Variants in METTL22 observed in about 807,000 individuals in gnomAD.
The protein encoded by METTL22 is methyltransferase-like protein 22.
A neutral mutation model predicts 48.4 loss-of-function variants in METTL22; 51 were observed. The ratio of observed to expected loss-of-function variants is 1.05; its 90% confidence interval spans 0.84 to 1.33. The LOEUF is 1.33. Among genes scored for constraint, METTL22 ranks in the 40% most tolerant of loss-of-function variants. The pLI is 0.00. For missense variants in METTL22, 678 were observed against 526.9 expected, an observed-to-expected ratio of 1.29 and a Z score of -2.81; for synonymous variants, 255 against 214.1, an observed-to-expected ratio of 1.19 and a Z score of -1.67.
rs1032589860 is a variant in METTL22 at position 8,646,958 on chromosome 16, T to A, written c.*815T>A. The A allele has an allele frequency of 3.0e-5, 10 of 335,908 alleles. No homozygotes were observed. The highest frequency in any genetic ancestry group is 4.7e-5 in the Non-Finnish European group (8 of 170,676). The allele number at this position is 335,908 out of a possible 1,614,324, so 20.8% of individuals were successfully genotyped here. A position where few individuals can be genotyped will look rare whatever the true frequency, so the allele number is the denominator to read the frequency against. ...TCCTGTCATCCTCTATGTCCCACTG[T>A]CTCTCTCCTTCTCTCCAGTTTTGGT... is the stretch of plus-strand genomic sequence containing the variant. On this transcript the variant is annotated 3_prime_UTR_variant, in exon 11 of 11. Transcript: ENST00000381920.
At chr16:8,658,981 C>T in the METTL22 span, among the ~76,000 whole-genome samples, 1 of 152,106 alleles carries the variant, frequency 6.6e-6, no homozygotes, top group Non-Finnish European at 1.5e-5. Context: ...CAGCCCCTCT[C>T]CCCTGCCCCT....
At chr16:8,656,279 T>C in the METTL22 span, among the ~76,000 whole-genome samples, 77 of 152,290 alleles carry the variant, frequency 5.1e-4, no homozygotes, top group African/African-American at 1.8e-3. Flanking sequence ...CATTTTGAAG[T>C]TTATCCTATT....
Position 8,635,157 on chromosome 16 carries a change from C to G in METTL22, c.556-11C>G. 6.2e-7 allele frequency: 1 copy of G among 1,613,460 alleles called. No homozygotes were observed. Among genetic ancestry groups the G allele is most frequent in the Non-Finnish European group, 8.5e-7 (1 of 1,179,668 alleles). On this transcript the variant is annotated splice_polypyrimidine_tract_variant and intron_variant, in intron 4 of 10. Coordinates refer to ENST00000381920, the MANE Select transcript of METTL22 (RefSeq NM_024109.4). ...CACGCTGCTTGTCGCTCCTTGTCCT[C>G]TTCCCTCCAGGTGTGGCGGGGCGCC...
At chr16:8,639,508 A>G (rs1641052) in intron 6 of METTL22, 277,236 of 279,356 alleles carry the variant, frequency 0.99, 137,607 homozygotes, top group Middle Eastern at 1. Flanking sequence ...AAGCCAGTCC[A>G]CTTCACTTGC....
intron 2 of METTL22, 58 bp from the exon 3 acceptor site, chr16:8,628,672 G>A (rs1388317315): frequency 1.3e-6 from 2 of 1,537,336 alleles, no homozygotes; most frequent in South Asian, 1.3e-5. Flanking sequence ...AGAAGAAGAG[G>A]AAGGTAAAAA....
the METTL22 span, among the ~76,000 whole-genome samples, chr16:8,660,810 A>T: frequency 3.5e-4 from 1 of 2,846 alleles, no homozygotes; most frequent in African/African-American, 7.3e-4. Flanking sequence ...GAGGAGGAGG[A>T]GGAGGAGGAG....
rs56246164 is a variant in METTL22, at chr16:8,637,983, C to CA, written c.701-1094dup. The stretch of plus-strand genomic sequence containing the variant: ...TGAAACCCCATCTGTACTAAAAATA[C>CA]AAAAAAAAAAAAAATTAGCCAGGCA... On this transcript the variant is annotated intron_variant, in intron 5 of 10. Transcript: ENST00000381920. Among the ~76,000 whole-genome samples the CA allele has an allele frequency of 4.4e-3, 620 of 142,520 alleles. 4 individuals carry two copies. Among genetic ancestry groups the CA allele is most frequent in the South Asian group, 7.3e-3 (33 of 4,532 alleles). The allele number at this position is 142,520 out of a possible 152,430, so 93.5% of individuals were successfully genotyped here. A position where few individuals can be genotyped will look rare whatever the true frequency, so the allele number is the denominator to read the frequency against.
In METTL22 at chr16:8,628,849, A is replaced by G. The variant is rs991945336; in HGVS notation, c.253A>G (p.Thr85Ala). 5.0e-6 allele frequency: 8 copies of G among 1,614,148 alleles called. No individual in the cohort carries two copies. The highest frequency in any genetic ancestry group is 6.8e-6 in the Non-Finnish European group (8 of 1,180,038). Residue 85 changes from threonine (T) to alanine (A), a missense_variant, in exon 3 of 11, where the codon ACA (threonine) becomes GCA (alanine). Thr to Ala is a moderately conservative substitution (Grantham distance 58). Coordinates refer to ENST00000381920, the MANE Select transcript of METTL22 (RefSeq NM_024109.4). ...KEPPSAETGS[T>A]GSPPGSGHGN... ...GCCTCCTTCTGCTGAGACAGGCAGC[A>G]CAGGGTCCCCTCCAGGAAGTGGCCA...
Position 8,649,245 on chromosome 16 carries a change from A to T in METTL22, c.*3102A>T, listed in dbSNP as rs1041599338. 4 of 152,108 alleles carry T rather than the reference A, an allele frequency of 2.6e-5. No individual in the cohort carries two copies. Among genetic ancestry groups the T allele is most frequent in the African/African-American group, 7.2e-5 (3 of 41,418 alleles). The allele number at this position is 152,108 out of a possible 1,614,324, so 9.4% of individuals were successfully genotyped here. ...CCTGGAATTAATCTTGATCCACTGT[A>T]ATTCAAAGTATCGTCAGATTTTCAT... is the stretch of plus-strand genomic sequence containing the variant. On this transcript the variant is annotated 3_prime_UTR_variant, in exon 11 of 11. Transcript: ENST00000381920.
At chr16:8,645,712 G>C (rs527578236) in intron 10 of METTL22, among the ~76,000 whole-genome samples, 25 of 152,160 alleles carry the variant, frequency 1.6e-4, no homozygotes, top group Admixed American at 3.3e-4. Flanking sequence ...GAAGTTCAAG[G>C]CTGCAGCAAG....
At chr16:8,645,235 CTA>C (rs1376390162) in intron 10 of METTL22, among the ~76,000 whole-genome samples, 1 of 152,194 alleles carries the variant, frequency 6.6e-6, no homozygotes, top group Non-Finnish European at 1.5e-5. Context: ...CTCCCTTTCT[CTA>C]TGTCTGTGGA....
In METTL22 at chr16:8,646,878, C is replaced by T; in HGVS notation, c.*735C>T. 2.8e-6 allele frequency: 1 copy of T among 356,296 alleles called. No homozygotes were observed. Among genetic ancestry groups the T allele is most frequent in the Non-Finnish European group, 5.5e-6 (1 of 180,810 alleles). 22.1% of individuals were successfully genotyped at this position (356,296 alleles called of 1,614,324 possible). A position where few individuals can be genotyped will look rare whatever the true frequency, so the allele number is the denominator to read the frequency against. On this transcript the variant is annotated 3_prime_UTR_variant, in exon 11 of 11. Coordinates refer to ENST00000381920, the MANE Select transcript of METTL22 (RefSeq NM_024109.4). Reference sequence around the variant, plus strand: ...TCTTATCACGTGTGTACATGTCTGTCTGTCTGGTTTTTTATCTTCTCCATC... The same window carrying T: ...TCTTATCACGTGTGTACATGTCTGTTTGTCTGGTTTTTTATCTTCTCCATC...
In METTL22 at chr16:8,647,071, G is replaced by C; in HGVS notation, c.*928G>C. 1 of 246,900 alleles carries C rather than the reference G, an allele frequency of 4.1e-6. No homozygotes were observed. Among genetic ancestry groups the C allele is most frequent in the Non-Finnish European group, 8.1e-6 (1 of 123,730 alleles). 15.3% of individuals were successfully genotyped at this position (246,900 alleles called of 1,614,324 possible). On this transcript the variant is annotated 3_prime_UTR_variant, in exon 11 of 11. Transcript: ENST00000381920. ...ACACTTTGCACCAGGGCCTTTCATG[G>C]CCCCTTTCCGCCTCCCTTGCAGCTC...
In METTL22 at chr16:8,628,636, T is replaced by C; in HGVS notation, c.134-94T>C. Reference sequence around the variant, plus strand: ...TCTCTACCTGGCCTTTAAAAATCTTTCCTATTGGTAATCAGATATTCTCAA... The same window carrying C: ...TCTCTACCTGGCCTTTAAAAATCTTCCCTATTGGTAATCAGATATTCTCAA... On this transcript the variant is annotated intron_variant, in intron 2 of 10. Transcript: ENST00000381920. 2.7e-6 allele frequency: 4 copies of C among 1,479,562 alleles called. No individual in the cohort carries two copies. In the Admixed American group the frequency reaches 7.3e-5, roughly 27 times the overall value. 91.7% of individuals were successfully genotyped at this position (1,479,562 alleles called of 1,614,324 possible).
chr16:8,634,074 C>A (rs369122556), intron 3 of METTL22, among the ~76,000 whole-genome samples: 3 of 152,202 alleles, frequency 2.0e-5, no homozygotes, highest in African/African-American at 7.2e-5. Flanking sequence ...ATTAAAAGTG[C>A]CTTGTAAGCC....
chr16:8,634,761 T>C (rs73493627), intron 3 of METTL22, among the ~76,000 whole-genome samples: 5,731 of 152,226 alleles, frequency 0.038, 361 homozygotes, highest in African/African-American at 0.13. Flanking sequence ...GAAAACCTAA[T>C]TGTGACCCTC....
intron 10 of METTL22, 80 bp from the exon 11 acceptor site, chr16:8,646,028 G>GCTGCTCCC: frequency 7.8e-7 from 1 of 1,280,834 alleles, no homozygotes; most frequent in Non-Finnish European, 1.0e-6. Context: ...ACTCTCCTTG[G>GCTGCTCCC]TGAATCACTT....
Position 8,621,701 on chromosome 16 carries a change from C to CCT in METTL22, c.-244_-243insTC, listed in dbSNP as rs2055852014. On this transcript the variant is annotated 5_prime_UTR_variant, in exon 1 of 11. Coordinates refer to ENST00000381920, the MANE Select transcript of METTL22 (RefSeq NM_024109.4). ...GGGGGCGGGGCCGCGCCTGCGCAGA[C>CCT]CGCCTGTTATGGCGGCCGCCTAAGT... The CCT allele has an allele frequency of 6.6e-6, 1 of 152,274 alleles. No homozygotes were observed. The highest frequency in any genetic ancestry group is 2.4e-5 in the African/African-American group (1 of 41,464). The allele number at this position is 152,274 out of a possible 1,614,324, so 9.4% of individuals were successfully genotyped here. A position where few individuals can be genotyped will look rare whatever the true frequency, so the allele number is the denominator to read the frequency against.
chr16:8,650,358 T>A (rs1231481124), downstream of METTL22, among the ~76,000 whole-genome samples: 1 of 152,060 alleles, frequency 6.6e-6, no homozygotes, highest in African/African-American at 2.4e-5. Flanking sequence ...AACTCCGGAG[T>A]TGAGCAAGCC....
Sources: gnomAD v4.1 joint callset for allele counts (sites outside exome capture counted in the v4.1 genomes callset) on GRCh38, gnomAD v4.1.1 for gene constraint, MANE v1.5 for transcripts, NCBI Gene and HGNC (gene_info 2026-07-23, HGNC 2026-07-21) for gene names.